Variants in ZNF18 observed in about 807,000 individuals in gnomAD.
ZNF18 encodes the protein heart development-specific gene 1 protein.
Under a neutral mutation model 58.1 loss-of-function variants are expected in ZNF18, and 42 were observed. The observed-to-expected ratio is 0.72, with a 90% confidence interval of 0.56 to 0.93. ZNF18 has a LOEUF of 0.93. Ranked by LOEUF, ZNF18 falls within the 40% of genes least tolerant of loss-of-function variation. The probability of loss-of-function intolerance (pLI) is 0.00; values close to 1 mark genes in which losing one functional copy is unlikely to be tolerated. For missense variants in ZNF18, 540 were observed against 644.2 expected (o/e 0.84, Z 1.75); for synonymous variants, 231 against 239.8 (o/e 0.96, Z 0.34).
chr17:11,998,827 T>C (rs1968605424), upstream of ZNF18, among the ~76,000 whole-genome samples: 1 of 145,832 alleles, frequency 6.9e-6, no homozygotes. Context: ...CTAGTCTTTT[T>C]TTTTTTTTTT....
chr17:12,010,891 T>C, the ZNF18 span: 1 of 519,182 alleles, frequency 1.9e-6, no homozygotes. Context: ...TCTGATAATT[T>C]TCCTTCACTT....
the ZNF18 span, among the ~76,000 whole-genome samples, chr17:12,010,200 A>G: frequency 6.6e-6 from 1 of 152,208 alleles, no homozygotes; most frequent in Non-Finnish European, 1.5e-5. Flanking sequence ...GTATAAATAT[A>G]GTATGAAATG....
chr17:11,984,466 G>A (rs539059351), intron 4 of ZNF18, among the ~76,000 whole-genome samples: 2 of 151,888 alleles, frequency 1.3e-5, no homozygotes, highest in South Asian at 4.2e-4. Context: ...TTTAAAAGTG[G>A]AGAACGTATA....
At chr17:12,020,880 C>A in the ZNF18 span, 1 of 1,187,730 alleles carries the variant, frequency 8.4e-7, no homozygotes, top group Non-Finnish European at 1.0e-6. Flanking sequence ...GCTCTTCACT[C>A]CCAACAATGG....
intron 4 of ZNF18, among the ~76,000 whole-genome samples, chr17:11,990,222 T>C (rs1210098479): frequency 6.6e-6 from 1 of 151,824 alleles, no homozygotes; most frequent in Non-Finnish European, 1.5e-5. Context: ...GAGAATACAC[T>C]GAAATAAGCA....
chr17:11,997,354 G>A (rs1436259175), intron 1 of ZNF18, 77 bp downstream of exon 1: 1 of 152,320 alleles, frequency 6.6e-6, no homozygotes, highest in African/African-American at 2.4e-5. Context: ...GCCCAGCTGA[G>A]TCAGGTGCGG....
the ZNF18 span, chr17:12,009,172 T>A: frequency 6.6e-6 from 1 of 152,188 alleles, no homozygotes; most frequent in Non-Finnish European, 1.5e-5. Flanking sequence ...TCCACTGAAT[T>A]ATCTTAGCTT....
chr17:12,019,360 G>T, the ZNF18 span, among the ~76,000 whole-genome samples: 1 of 150,124 alleles, frequency 6.7e-6, no homozygotes, highest in African/African-American at 2.5e-5. Flanking sequence ...TCTAGTAGTT[G>T]CCTAATCTGT....
intron 2 of ZNF18, among the ~76,000 whole-genome samples, chr17:11,992,167 T>C (rs973051821): frequency 6.6e-6 from 1 of 152,206 alleles, no homozygotes; most frequent in East Asian, 1.9e-4. Flanking sequence ...TCCGAATTTA[T>C]AGCCAATTTG....
At chr17:11,991,968 T>G (rs1968154234) in intron 2 of ZNF18, among the ~76,000 whole-genome samples, 1 of 152,000 alleles carries the variant, frequency 6.6e-6, no homozygotes, top group African/African-American at 2.4e-5. Context: ...ACTGGTAACG[T>G]AGCACGCCAG....
At chr17:12,004,753 G>C in the ZNF18 span, among the ~76,000 whole-genome samples, 1 of 151,976 alleles carries the variant, frequency 6.6e-6, no homozygotes, top group Non-Finnish European at 1.5e-5. Context: ...TGGGTGTGGT[G>C]GCGCATGCCT....
At chr17:11,987,028 G>A (rs1302411595) in intron 4 of ZNF18, among the ~76,000 whole-genome samples, 2 of 152,238 alleles carry the variant, frequency 1.3e-5, no homozygotes, top group Non-Finnish European at 2.9e-5. Context: ...GAAGAGGCAA[G>A]ACGCCAATGG....
At chr17:11,997,883 C>G (rs1158612168), upstream of ZNF18, among the ~76,000 whole-genome samples, 1 of 152,204 alleles carries the variant, frequency 6.6e-6, no homozygotes, top group Non-Finnish European at 1.5e-5. Flanking sequence ...CCTTTCCGTT[C>G]TTGCCTCACT....
Position 11,990,549 on chromosome 17 carries a change from G to C in ZNF18, c.579C>G (p.Ala193=). The change falls in exon 4 of 7, where the codon GCC becomes GCG. Residue 193 remains alanine, a splice_region_variant and synonymous_variant. Transcript: ENST00000580306. Reference sequence around the variant, plus strand: ...GTCGGGCAGGCTGGGAGGCAGCCAGGGCTGAAGTGAGGAGAGGAAGTTTTC... The same window carrying C: ...GTCGGGCAGGCTGGGAGGCAGCCAGCGCTGAAGTGAGGAGAGGAAGTTTTC... The part of the protein sequence containing the change: ...KEESDTEAEL[A]LAASQPARLE... The C allele has an allele frequency of 6.2e-7, 1 of 1,608,772 alleles. No homozygotes were observed. Among genetic ancestry groups the C allele is most frequent in the Non-Finnish European group, 8.5e-7 (1 of 1,178,320 alleles).
Position 11,992,572 on chromosome 17 carries a change from C to T in ZNF18, c.258G>A (p.Leu86=). 1 of 1,614,216 alleles carries T rather than the reference C, an allele frequency of 6.2e-7. No homozygotes were observed. Among genetic ancestry groups the T allele is most frequent in the Non-Finnish European group, 8.5e-7 (1 of 1,180,034 alleles). ...CAGGCAGGATGGTCAGAAACTGCTC[C>T]AACATGAGGATCTCTAGGATCTGCT... ...TKEQILEILM[L]EQFLTILPGE... is the part of the protein sequence containing the mutation. The change falls in exon 2 of 7, where the codon TTG becomes TTA. Residue 86 remains leucine, a synonymous_variant. Transcript: ENST00000580306.
At chr17:11,980,974 T>G (rs538569676) in intron 6 of ZNF18, among the ~76,000 whole-genome samples, 1 of 152,342 alleles carries the variant, frequency 6.6e-6, no homozygotes, top group East Asian at 1.9e-4. Context: ...GGATTTTTAT[T>G]AGCAGGGTAA....
At chr17:11,989,101 G>A (rs537307849) in intron 4 of ZNF18, among the ~76,000 whole-genome samples, 1 of 151,902 alleles carries the variant, frequency 6.6e-6, no homozygotes, top group African/African-American at 2.4e-5. Flanking sequence ...GGAGGTTGTA[G>A]TGAGCTGAGA....
intron 1 of ZNF18, among the ~76,000 whole-genome samples, chr17:11,996,586 T>C (rs902449307): frequency 6.6e-6 from 1 of 152,222 alleles, no homozygotes; most frequent in African/African-American, 2.4e-5. Flanking sequence ...GATAACCTCA[T>C]GAGGAACTGC....
At chr17:11,991,274 G>C (rs1405354189) in intron 2 of ZNF18, 111 bp from the exon 3 acceptor site, 6 of 1,033,080 alleles carry the variant, frequency 5.8e-6, no homozygotes, top group Non-Finnish European at 8.2e-6. Flanking sequence ...TAAGGATGTG[G>C]AGAAAGAGAA....
Sources: allele counts gnomAD v4.1 joint callset (sites outside exome capture counted in the v4.1 genomes callset), GRCh38; gene constraint gnomAD v4.1.1; transcripts MANE v1.5; gene names NCBI Gene and HGNC (gene_info 2026-07-23, HGNC 2026-07-21).